Variants in RASSF5 observed in about 807,000 individuals in gnomAD.
The protein encoded by RASSF5 is Ras association domain family member 5, also known as ras association domain-containing protein 5.
A neutral mutation model predicts 40.5 loss-of-function variants in RASSF5; 25 were observed. The ratio of observed to expected loss-of-function variants is 0.62; its 90% CI spans 0.45 to 0.86. The LOEUF is 0.86. RASSF5 is among the 40% of genes least tolerant of loss of function. The pLI is 0.00. For missense variants in RASSF5, 521 were observed against 572.8 expected (o/e 0.91, Z 0.92); for synonymous variants, 246 against 252.4 (o/e 0.97, Z 0.24).
intron 2 of RASSF5, among the ~76,000 whole-genome samples, chr1:206,562,511 C>T (rs1015027709): frequency 7.2e-5 from 11 of 152,280 alleles, no homozygotes; most frequent in Admixed American, 6.5e-4. Flanking sequence ...TTTAGAGATG[C>T]CGTCCGAACT....
At position 206,587,199 on chromosome 1, in the gene RASSF5, T is replaced by G; in HGVS notation, c.*221T>G. 5.6e-6 allele frequency: 3 copies of G among 534,422 alleles called. No homozygotes were observed. Among genetic ancestry groups the G allele is most frequent in the Non-Finnish European group, 1.0e-5 (3 of 296,684 alleles). 33.1% of individuals were successfully genotyped at this position (534,422 alleles called of 1,614,324 possible). ...GCCCCACCACAGATTCTGCCAAGGA[T>G]CAGAACTCATGTGAAACAAACAGCT... On this transcript the variant is annotated 3_prime_UTR_variant, in exon 6 of 6. Transcript: ENST00000579436.
In RASSF5 at chr1:206,584,762, C is replaced by T. The variant is rs973875771; in HGVS notation, c.988+78C>T. The T allele has an allele frequency of 6.6e-7, 1 of 1,504,292 alleles. No individual in the cohort carries two copies. Among genetic ancestry groups the T allele is most frequent in the East Asian group, 2.3e-5 (1 of 42,724 alleles). 93.2% of individuals were successfully genotyped at this position (1,504,292 alleles called of 1,614,324 possible). The stretch of plus-strand genomic sequence containing the variant: ...GCCCACCCACTAAAACTCCTGCCGG[C>T]CTTGGGTGGGAGCTGTGGGCTTCTC... On this transcript the variant is annotated intron_variant, in intron 4 of 5. Transcript: ENST00000579436. The surrounding 1 kb of genome is among the most constrained non-coding windows in gnomAD (Gnocchi z 4.9).
intron 2 of RASSF5, among the ~76,000 whole-genome samples, chr1:206,556,802 G>A (rs1383340653): frequency 2.6e-5 from 4 of 152,094 alleles, no homozygotes; most frequent in Non-Finnish European, 4.4e-5. Context: ...CGATTGACCC[G>A]GCTCCCCCAC....
In RASSF5 at chr1:206,519,534, C is replaced by T. The variant is rs551512931; in HGVS notation, c.457+11475C>T. The stretch of plus-strand genomic sequence containing the variant: ...AAGGCCCCTTGTTAAAGGTCATTGC[C>T]ATCTGGCTGGGTCTGGAACCTGCTT... On this transcript the variant is annotated intron_variant, in intron 1 of 5. Transcript: ENST00000579436. Among the ~76,000 whole-genome samples the T allele has an allele frequency of 3.9e-4, 59 of 152,310 alleles. No individual in the cohort carries two copies. The South Asian group carries it at 0.012, about 32-fold the overall frequency.
At chr1:206,509,955 G>A (rs1666573276) in intron 1 of RASSF5, among the ~76,000 whole-genome samples, 1 of 152,106 alleles carries the variant, frequency 6.6e-6, no homozygotes, top group Non-Finnish European at 1.5e-5. Context: ...GGGCGCTCAT[G>A]GTCCCCCACA....
chr1:206,524,636 A>G (rs1003510302), intron 1 of RASSF5, among the ~76,000 whole-genome samples: 1 of 137,692 alleles, frequency 7.3e-6, no homozygotes, highest in Admixed American at 7.9e-5. Flanking sequence ...TATAATATAT[A>G]AAATATATAT....
At chr1:206,578,229 AAAAAGT>A (rs1351544602) in intron 2 of RASSF5, among the ~76,000 whole-genome samples, 1 of 111,282 alleles carries the variant, frequency 9.0e-6, no homozygotes, top group Non-Finnish European at 1.9e-5. Context: ...TCTCAAAAAA[AAAAAGT>A]GTGTGTGTGT....
intron 1 of RASSF5, among the ~76,000 whole-genome samples, chr1:206,526,250 T>C (rs1667092302): frequency 1.1e-5 from 1 of 94,642 alleles, no homozygotes; most frequent in Admixed American, 1.1e-4. Context: ...CCTGTTTGCT[T>C]CCTGGCTTGC....
At chr1:206,510,972 T>C (rs1666600358) in intron 1 of RASSF5, among the ~76,000 whole-genome samples, 1 of 152,176 alleles carries the variant, frequency 6.6e-6, no homozygotes, top group Admixed American at 6.5e-5. Flanking sequence ...AAGGGCACTT[T>C]AGTAAGGAAA....
rs1241411010 is a variant in RASSF5 at position 206,557,094 on chromosome 1, C to T, written c.579+18801C>T. 1.2e-5 allele frequency: 12 copies of T among 978,916 alleles called. No individual in the cohort carries two copies. The African/African-American group carries it at 2.1e-4, about 17-fold the overall frequency. 60.6% of individuals were successfully genotyped at this position (978,916 alleles called of 1,614,324 possible). ...CCGGGGGCGGGTGGCACCCAGGCGG[C>T]GGGGAGGCGGGGGAGGGGCGCAGTG... On this transcript the variant is annotated intron_variant, in intron 2 of 5. Transcript: ENST00000579436.
chr1:206,528,064 T>C (rs1295599741), intron 1 of RASSF5, among the ~76,000 whole-genome samples: 1 of 152,020 alleles, frequency 6.6e-6, no homozygotes, highest in African/African-American at 2.4e-5. Context: ...TTATTCAGAG[T>C]TGCCAAAATT....
At chr1:206,509,942 C>T (rs2103498556) in intron 1 of RASSF5, among the ~76,000 whole-genome samples, 1 of 152,218 alleles carries the variant, frequency 6.6e-6, no homozygotes. Context: ...TTTTTACTTT[C>T]CTGGGCGCTC....
At chr1:206,537,097 G>A (rs1313323697) in intron 1 of RASSF5, among the ~76,000 whole-genome samples, 1 of 152,106 alleles carries the variant, frequency 6.6e-6, no homozygotes, top group Non-Finnish European at 1.5e-5. Flanking sequence ...TCTGCCAGGA[G>A]GCTCCAAAGA....
chr1:206,543,490 G>A (rs1270359253), intron 2 of RASSF5: 1 of 152,212 alleles, frequency 6.6e-6, no homozygotes, highest in East Asian at 1.9e-4. Context: ...TGTGCAGCAT[G>A]AATGCAGGTC....
chr1:206,547,249 A>C (rs1459789972), intron 2 of RASSF5, among the ~76,000 whole-genome samples: 1 of 152,194 alleles, frequency 6.6e-6, no homozygotes, highest in Non-Finnish European at 1.5e-5. Flanking sequence ...CCCAGCCCCC[A>C]GGGCCACACA....
intron 2 of RASSF5, among the ~76,000 whole-genome samples, chr1:206,545,355 T>G (rs918823090): frequency 4.0e-5 from 6 of 150,424 alleles, no homozygotes; most frequent in African/African-American, 9.9e-5. Flanking sequence ...GTTTTTTTTT[T>G]TTTTTTTTTT....
intron 2 of RASSF5, among the ~76,000 whole-genome samples, chr1:206,556,083 T>C (rs1667976688): frequency 6.6e-6 from 1 of 152,190 alleles, no homozygotes; most frequent in African/African-American, 2.4e-5. Context: ...GCCATCAGAC[T>C]CCATGAACAT....
At chr1:206,580,911 C>T (rs1305209069) in intron 2 of RASSF5, 1 of 152,236 alleles carries the variant, frequency 6.6e-6, no homozygotes, top group Non-Finnish European at 1.5e-5. Flanking sequence ...CTTAGATGAA[C>T]ATTTCACAGA....
Position 206,507,552 on chromosome 1 carries a change from T to G in RASSF5, c.-51T>G. 7.3e-7 allele frequency: 1 copy of G among 1,378,928 alleles called. No individual in the cohort carries two copies. The highest frequency in any genetic ancestry group is 9.5e-7 in the Non-Finnish European group (1 of 1,052,704). 85.4% of individuals were successfully genotyped at this position (1,378,928 alleles called of 1,614,324 possible). ...CCTTCTCTCGGGGCTGGCTCGGGAG[T>G]AGCGCAGTCGCCAAAGCCGCCGCTG... On this transcript the variant is annotated 5_prime_UTR_variant, in exon 1 of 6. Coordinates refer to ENST00000579436, the MANE Select transcript of RASSF5 (RefSeq NM_182663.4).
Sources: allele counts gnomAD v4.1 joint callset (sites outside exome capture counted in the v4.1 genomes callset), GRCh38; gene constraint gnomAD v4.1.1; non-coding constraint Gnocchi (gnomAD v3.1); transcripts MANE v1.5; gene names NCBI Gene and HGNC (gene_info 2026-07-23, HGNC 2026-07-21).